NTM: variants seen among roughly 807,000 people sequenced by gnomAD.
The protein encoded by NTM is neurotrimin.
NTM carries 13 observed loss-of-function variants against 42.1 expected under a neutral mutation model. That is an observed-to-expected ratio of 0.31 (90% CI 0.20 to 0.49). NTM has a LOEUF of 0.49. Ranked by LOEUF, NTM falls within the 20% of genes least tolerant of loss-of-function variation. The pLI is 0.99. For missense variants in NTM, 373 were observed against 452.8 expected (o/e 0.82, Z 1.60); for synonymous variants, 187 against 179.2 (o/e 1.04, Z -0.35).
intron 3 of NTM, among the ~76,000 whole-genome samples, chr11:132,166,567 C>T (rs946883101): frequency 1.3e-5 from 2 of 152,154 alleles, no homozygotes; most frequent in African/African-American, 4.8e-5. Context: ...GCTCAGAATG[C>T]TATGCAATCC....
intron 1 of NTM, among the ~76,000 whole-genome samples, chr11:131,768,369 C>T (rs548996175): frequency 3.3e-5 from 5 of 152,236 alleles, no homozygotes; most frequent in East Asian, 1.9e-4. Flanking sequence ...CCACCTGCCT[C>T]GGCCTCTCAA....
At chr11:131,950,966 T>G (rs1286835292) in intron 2 of NTM, among the ~76,000 whole-genome samples, 1 of 152,228 alleles carries the variant, frequency 6.6e-6, no homozygotes, top group Non-Finnish European at 1.5e-5. Context: ...TCTTGTGTTC[T>G]GCACAGTGCC....
intron 1 of NTM, among the ~76,000 whole-genome samples, chr11:131,895,868 A>G (rs2052185420): frequency 6.6e-6 from 1 of 152,086 alleles, no homozygotes; most frequent in South Asian, 2.1e-4. Context: ...GCATCTTGGC[A>G]GAGCAAAAGT....
intron 3 of NTM, among the ~76,000 whole-genome samples, chr11:132,179,881 T>A (rs2077313178): frequency 6.6e-6 from 1 of 152,186 alleles, no homozygotes; most frequent in African/African-American, 2.4e-5. Context: ...ATGTGGACAC[T>A]GGGAGCAGAC....
chr11:131,710,898 C>T (rs1161758413), intron 1 of NTM, among the ~76,000 whole-genome samples: 1 of 152,082 alleles, frequency 6.6e-6, no homozygotes, highest in Non-Finnish European at 1.5e-5. Flanking sequence ...GGACATTCCT[C>T]CTTGTAGAAA....
chr11:132,320,898 A>AC (rs1163155842), intron 7 of NTM, among the ~76,000 whole-genome samples: 2 of 150,862 alleles, frequency 1.3e-5, no homozygotes, highest in East Asian at 1.9e-4. Context: ...ACTGGGAGGC[A>AC]CCCCCCAGCA....
chr11:131,805,521 C>T (rs930572642), intron 1 of NTM, among the ~76,000 whole-genome samples: 7 of 152,110 alleles, frequency 4.6e-5, no homozygotes, highest in African/African-American at 1.7e-4. Flanking sequence ...GATTTTAAAG[C>T]TTTATTCCTT....
chr11:132,237,938 T>A (rs1260962170), intron 4 of NTM, among the ~76,000 whole-genome samples: 1 of 152,230 alleles, frequency 6.6e-6, no homozygotes, highest in East Asian at 1.9e-4. Flanking sequence ...ATATTAGCTC[T>A]GAGCCGTGAC....
At chr11:131,785,431 G>T (rs1454993745) in intron 1 of NTM, among the ~76,000 whole-genome samples, 3 of 152,332 alleles carry the variant, frequency 2.0e-5, no homozygotes, top group East Asian at 3.9e-4. Flanking sequence ...AAATGTCCGA[G>T]AAAGCTAATT....
chr11:132,027,170 T>C (rs1398229207), intron 2 of NTM, among the ~76,000 whole-genome samples: 2 of 152,248 alleles, frequency 1.3e-5, no homozygotes, highest in Non-Finnish European at 2.9e-5. Context: ...AAAGCCCTGA[T>C]GATCCTTTTC....
rs537498217 is a variant in NTM at position 132,335,584 on chromosome 11, G to A, written c.*438G>A. 3.3e-4 allele frequency: 51 copies of A among 154,924 alleles called. No homozygotes were observed. The highest frequency in any genetic ancestry group is 4.0e-4 in the Non-Finnish European group (28 of 69,872). 9.6% of individuals were successfully genotyped at this position (154,924 alleles called of 1,614,324 possible). A position where few individuals can be genotyped will look rare whatever the true frequency, so the allele number is the denominator to read the frequency against. On this transcript the variant is annotated 3_prime_UTR_variant, in exon 9 of 9. Transcript: ENST00000683400. Reference sequence around the variant, plus strand: ...TGAGACCTTCCGGCCCAAGCGTGGCGCTGCGGGCACTTTGGTAGACTGTGC... The same window carrying A: ...TGAGACCTTCCGGCCCAAGCGTGGCACTGCGGGCACTTTGGTAGACTGTGC...
chr11:131,873,974 A>G (rs921539599), intron 1 of NTM, among the ~76,000 whole-genome samples: 4 of 116,326 alleles, frequency 3.4e-5, no homozygotes, highest in Non-Finnish European at 1.8e-5. Flanking sequence ...TATATATTAT[A>G]TATTATATAT....
intron 1 of NTM, among the ~76,000 whole-genome samples, chr11:131,405,278 C>T (rs903610603): frequency 6.6e-6 from 1 of 152,136 alleles, no homozygotes; most frequent in African/African-American, 2.4e-5. Context: ...TATCAATGCC[C>T]AGACCTTCCC....
chr11:131,766,489 G>A (rs1024603340), intron 1 of NTM, among the ~76,000 whole-genome samples: 2 of 152,138 alleles, frequency 1.3e-5, no homozygotes, highest in Non-Finnish European at 2.9e-5. Flanking sequence ...CGGGAGGTAC[G>A]TCAAGGCTGT....
At chr11:131,390,613 C>T (rs769616467) in intron 1 of NTM, among the ~76,000 whole-genome samples, 1 of 152,116 alleles carries the variant, frequency 6.6e-6, no homozygotes, top group African/African-American at 2.4e-5. Flanking sequence ...TGCTCCAACT[C>T]GATGGGCTAG....
intron 4 of NTM, 38 bp from the exon 5 acceptor site, chr11:132,307,651 T>G: frequency 6.2e-7 from 1 of 1,610,274 alleles, no homozygotes; most frequent in Non-Finnish European, 8.5e-7. Flanking sequence ...GTCTTTTTTT[T>G]CCTTGTATTT....
chr11:131,881,508 A>C (rs112594264), intron 1 of NTM, among the ~76,000 whole-genome samples: 2,044 of 116,252 alleles, frequency 0.018, 28 homozygotes, highest in South Asian at 0.036. Context: ...ACACACACAC[A>C]CCCCCCAAAG....
At chr11:132,267,402 C>T (rs2093248933) in intron 4 of NTM, among the ~76,000 whole-genome samples, 1 of 152,008 alleles carries the variant, frequency 6.6e-6, no homozygotes, top group Non-Finnish European at 1.5e-5. Context: ...TACGTATCTC[C>T]CTCCCTCACA....
rs2087068246 is a variant in NTM, at chr11:132,229,660, G to A, written c.526+17513G>A. On this transcript the variant is annotated intron_variant, in intron 4 of 8. Coordinates refer to ENST00000683400, the MANE Select transcript of NTM (RefSeq NM_001352005.2). ...AGTTGACGTCTAAACTGTGTTGGACGAGGTCTGAATTCATGACAATCTGTA... is the reference window on the plus strand; with the variant it reads ...AGTTGACGTCTAAACTGTGTTGGACAAGGTCTGAATTCATGACAATCTGTA... Among the ~76,000 whole-genome samples the A allele has an allele frequency of 2.6e-5, 4 of 152,260 alleles. No individual in the cohort carries two copies. In the South Asian group the frequency reaches 8.3e-4, roughly 32 times the overall value.
Sources: gnomAD v4.1 joint callset for allele counts (sites outside exome capture counted in the v4.1 genomes callset) on GRCh38, gnomAD v4.1.1 for gene constraint, MANE v1.5 for transcripts, NCBI Gene and HGNC (gene_info 2026-07-23, HGNC 2026-07-21) for gene names.